The following PTPN20 variants were observed in gnomAD, a reference collection of about 807,000 sequenced individuals.
The protein encoded by PTPN20 is tyrosine-protein phosphatase non-receptor type 20.
PTPN20 carries 9 observed loss-of-function variants against 35.0 expected under a neutral mutation model. That is an observed-to-expected ratio of 0.26 (90% CI 0.15 to 0.45). PTPN20 has a LOEUF of 0.45. Ranked by LOEUF, PTPN20 falls within the 20% of genes least tolerant of loss-of-function variation. The pLI, the probability that PTPN20 is intolerant of heterozygous loss-of-function variation, is 1.00. For missense variants in PTPN20, 111 were observed against 312.5 expected, an observed-to-expected ratio of 0.36 and a Z score of 4.86; for synonymous variants, 32 against 100.2, an observed-to-expected ratio of 0.32 and a Z score of 4.06.
intron 5 of PTPN20, among the ~76,000 whole-genome samples, chr10:46,948,652 T>A (rs1308829593): frequency 3.9e-5 from 6 of 151,910 alleles, no homozygotes; most frequent in Admixed American, 6.6e-5. Flanking sequence ...GGTCTCTTCC[T>A]GTTTCGTCCT....
intron 5 of PTPN20, chr10:46,948,089 G>T: frequency 2.7e-6 from 1 of 369,086 alleles, no homozygotes; most frequent in Non-Finnish European, 5.2e-6. Context: ...TTGTATTTCA[G>T]TTAGGTAATT....
chr10:46,937,878 G>A (rs1207713207), intron 2 of PTPN20, among the ~76,000 whole-genome samples: 1 of 148,502 alleles, frequency 6.7e-6, no homozygotes. Context: ...ACTACACATT[G>A]TGAATTATAT....
Position 46,952,820 on chromosome 10 carries a change from C to A in PTPN20, c.340+6145C>A, listed in dbSNP as rs1644606080. Among the ~76,000 whole-genome samples the A allele has an allele frequency of 1.3e-5, 2 of 151,830 alleles. 1 individual carries two copies. The highest frequency in any genetic ancestry group is 4.9e-5 in the African/African-American group (2 of 41,196). On this transcript the variant is annotated intron_variant, in intron 5 of 10. Transcript: ENST00000374339. ...TCGTTACTCCATTGGAAAGCAGCAG[C>A]CCAGTTTCCCCTTAATACTTGGAAT...
Position 46,977,446 on chromosome 10 carries a change from C to T in PTPN20, c.584-6784C>T, listed in dbSNP as rs1413778610. Among the ~76,000 whole-genome samples, 5 of 152,276 alleles carry T rather than the reference C, an allele frequency of 3.3e-5. No individual in the cohort carries two copies. In the East Asian group the frequency reaches 9.6e-4, roughly 29 times the overall value. ...TAAGGATGAGTTTTATGAATTACTTCCCTAATCTGATAAGATGTAAAGGCA... is the reference window on the plus strand; with the variant it reads ...TAAGGATGAGTTTTATGAATTACTTTCCTAATCTGATAAGATGTAAAGGCA... On this transcript the variant is annotated intron_variant, in intron 7 of 10. Coordinates refer to ENST00000374339, the MANE Select transcript of PTPN20 (RefSeq NM_001042357.5).
chr10:46,957,224 TG>T (rs1213095212), intron 5 of PTPN20, among the ~76,000 whole-genome samples: 1 of 151,878 alleles, frequency 6.6e-6, no homozygotes, highest in Non-Finnish European at 1.5e-5. Flanking sequence ...CCAGTTTGGA[TG>T]GCTTTTATTT....
intron 9 of PTPN20, among the ~76,000 whole-genome samples, chr10:46,988,739 G>A (rs1294640024): frequency 6.6e-6 from 1 of 151,988 alleles, no homozygotes; most frequent in Admixed American, 6.5e-5. Context: ...CAATTCATTA[G>A]CATAGGATTA....
intron 9 of PTPN20, among the ~76,000 whole-genome samples, chr10:46,998,347 A>T (rs1179205380): frequency 6.6e-6 from 1 of 152,206 alleles, no homozygotes; most frequent in Non-Finnish European, 1.5e-5. Context: ...TCTCCAAGTT[A>T]TTCTGGGTGG....
chr10:46,954,722 T>C (rs1481984847), intron 5 of PTPN20, among the ~76,000 whole-genome samples: 2 of 150,766 alleles, frequency 1.3e-5, no homozygotes, highest in East Asian at 1.9e-4. Context: ...TACTTTCTCA[T>C]TGATTTCAAT....
chr10:46,941,783 C>T (rs1343841877), intron 3 of PTPN20, among the ~76,000 whole-genome samples: 1 of 142,346 alleles, frequency 7.0e-6, no homozygotes, highest in Non-Finnish European at 1.5e-5. Flanking sequence ...AGTTTCCTTT[C>T]ATAAAAAAGG....
At position 46,992,423 on chromosome 10, in the gene PTPN20, C is replaced by T. The variant is rs930951646; in HGVS notation, c.1134+4868C>T. On this transcript the variant is annotated intron_variant, in intron 9 of 10. Transcript: ENST00000374339. Reference sequence around the variant, plus strand: ...TAGGCATGAGCCACCACCCCTGGCCCGAAATTCTTTTTTCTTTATTTTTGT... The same window carrying T: ...TAGGCATGAGCCACCACCCCTGGCCTGAAATTCTTTTTTCTTTATTTTTGT... Among the ~76,000 whole-genome samples the T allele has an allele frequency of 2.8e-3, 419 of 151,982 alleles. 2 individuals are homozygous for T. Among genetic ancestry groups the T allele is most frequent in the African/African-American group, 9.1e-3 (378 of 41,480 alleles).
intron 1 of PTPN20, chr10:46,926,228 T>C (rs1348457490): frequency 1.1e-6 from 1 of 950,016 alleles, no homozygotes; most frequent in Admixed American, 6.2e-5. Flanking sequence ...AGTCCTTATT[T>C]ATATAAGCCC....
chr10:47,000,767 GAA>G lies in PTPN20; in HGVS notation c.*28_*29del. 6.2e-7 allele frequency: 1 copy of G among 1,613,306 alleles called. No individual in the cohort carries two copies. Among genetic ancestry groups the G allele is most frequent in the Non-Finnish European group, 8.5e-7 (1 of 1,179,376 alleles). ...GAAAGACTTCTGTTGCCTCTCACTT[GAA>G]ATTACCAAGTGGGTTTGCACCTCCT... On this transcript the variant is annotated 3_prime_UTR_variant, in exon 11 of 11. Coordinates refer to ENST00000374339, the MANE Select transcript of PTPN20 (RefSeq NM_001042357.5).
At chr10:46,930,465 C>G (rs1208248875) in intron 1 of PTPN20, among the ~76,000 whole-genome samples, 1 of 150,416 alleles carries the variant, frequency 6.6e-6, no homozygotes, top group South Asian at 2.2e-4. Context: ...TAGGCAGAAG[C>G]TTAGGTGTCA....
chr10:46,982,807 A>T (rs1180775793), intron 7 of PTPN20, among the ~76,000 whole-genome samples: 2 of 152,096 alleles, frequency 1.3e-5, no homozygotes, highest in African/African-American at 4.8e-5. Context: ...ATATATCATC[A>T]TATATCTACA....
chr10:46,952,883 G>A (rs1403074157), intron 5 of PTPN20, among the ~76,000 whole-genome samples: 2 of 150,116 alleles, frequency 1.3e-5, no homozygotes, highest in Non-Finnish European at 3.0e-5. Flanking sequence ...CCCTTTCCCT[G>A]ATGATTCAGT....
In PTPN20 at chr10:46,978,903, T is replaced by C. The variant is rs1165401249; in HGVS notation, c.584-5327T>C. ...GATCATGGTGTTCCTAGAAGTGAACTAGATGGGACGTCTACTGAATTCTTC... is the reference window on the plus strand; with the variant it reads ...GATCATGGTGTTCCTAGAAGTGAACCAGATGGGACGTCTACTGAATTCTTC... On this transcript the variant is annotated intron_variant, in intron 7 of 10. Transcript: ENST00000374339. 4.7e-5 allele frequency among the ~76,000 whole-genome samples: 7 copies of C among 148,816 alleles called. No individual in the cohort carries two copies. In the South Asian group the frequency reaches 1.3e-3, roughly 28 times the overall value.
chr10:46,981,176 T>C (rs2136471697), intron 7 of PTPN20: 1 of 147,058 alleles, frequency 6.8e-6, no homozygotes, highest in East Asian at 2.2e-4. Context: ...CAAAGATATT[T>C]GTATCCCATG....
At chr10:46,983,414 G>A (rs1321311354) in intron 7 of PTPN20, among the ~76,000 whole-genome samples, 35 of 151,478 alleles carry the variant, frequency 2.3e-4, no homozygotes, top group Admixed American at 9.9e-4. Flanking sequence ...TGGTGAGAGA[G>A]CTGCATGGCA....
intron 1 of PTPN20, among the ~76,000 whole-genome samples, chr10:46,931,589 A>C (rs559735879): frequency 7.0e-6 from 1 of 143,052 alleles, no homozygotes; most frequent in East Asian, 2.0e-4. Flanking sequence ...ATTTCACCCA[A>C]TTGCCCCAGC....
Sources: allele counts gnomAD v4.1 joint callset (sites outside exome capture counted in the v4.1 genomes callset), GRCh38; gene constraint gnomAD v4.1.1; transcripts MANE v1.5; gene names NCBI Gene and HGNC (gene_info 2026-07-23, HGNC 2026-07-21).